The following TELO2 variants were observed in gnomAD, a reference collection of about 807,000 sequenced individuals.
TELO2 encodes telomere length regulation protein TEL2 homolog.
TELO2 carries 71 observed loss-of-function variants against 91.0 expected under a neutral mutation model. That is an observed-to-expected ratio of 0.78 (90% CI 0.64 to 0.95). TELO2 has a LOEUF of 0.95. Among genes scored for constraint, TELO2 ranks in the 40% least tolerant of loss-of-function variants. TELO2 has a pLI of 0.00. For synonymous variants in TELO2, 584 were observed against 518.9 expected (o/e 1.13, Z -1.71); for missense variants, 1,183 against 1,141.3 (o/e 1.04, Z -0.53).
chr16:1,509,847 C>T lies in TELO2; in HGVS notation c.2425C>T (p.Pro809Ser). 2 of 1,612,272 alleles carry T rather than the reference C, an allele frequency of 1.2e-6. No homozygotes were observed. The highest frequency in any genetic ancestry group is 1.7e-6 in the Non-Finnish European group (2 of 1,179,694). Residue 809 changes from proline to serine, a missense_variant, in exon 21 of 21, where the codon CCG (proline) becomes TCG (serine). Coordinates refer to ENST00000262319, the MANE Select transcript of TELO2 (RefSeq NM_016111.4). ...SWLADVAEKD[P>S]DEDCRTLALR... is the part of the protein sequence containing the mutation. The stretch of plus-strand genomic sequence containing the variant: ...TCTGGCAGACGTGGCTGAGAAAGAC[C>T]CGGACGAGGACTGCAGGACGCTGGC...
At chr16:1,500,028 C>T in intron 6 of TELO2, 68 bp from the exon 7 acceptor site, 1 of 1,540,622 alleles carries the variant, frequency 6.5e-7, no homozygotes, top group Non-Finnish European at 8.8e-7. Context: ...TGGCTCTTGG[C>T]CTTGGGAGCC....
intron 7 of TELO2, 24 bp downstream of exon 7, chr16:1,500,188 C>A: frequency 6.3e-7 from 1 of 1,583,946 alleles, no homozygotes; most frequent in South Asian, 1.1e-5. Flanking sequence ...GGCTCTCCGT[C>A]CCTGCGAGGC....
At chr16:1,502,519 C>A in intron 13 of TELO2, 115 bp downstream of exon 13, 1 of 1,501,244 alleles carries the variant, frequency 6.7e-7, no homozygotes. Flanking sequence ...GGGCTGCTGC[C>A]TCTCCCGGGG....
rs753375943 is a variant in TELO2, at chr16:1,495,348, C to G, written c.338C>G (p.Pro113Arg). The G allele has an allele frequency of 2.6e-6, 4 of 1,542,622 alleles. No homozygotes were observed. Among genetic ancestry groups the G allele is most frequent in the Non-Finnish European group, 2.6e-6 (3 of 1,140,944 alleles). The change falls in exon 3 of 21, where the codon CCC (proline) becomes CGC (arginine). Residue 113 changes from proline (P) to arginine (R), a missense_variant and splice_region_variant. Transcript: ENST00000262319. The stretch of plus-strand genomic sequence containing the variant: ...GCCCAACACGCCCGTATCTTCAGCC[C>G]CAGCTTCCGGCTGATGAAGATGGCG... ...LMETIEGAAG[P>R]SFRLMKMARL...
intron 17 of TELO2, chr16:1,506,693 GT>G: frequency 7.2e-7 from 1 of 1,379,556 alleles, no homozygotes; most frequent in Non-Finnish European, 9.4e-7. Context: ...GCAGAGAAGT[GT>G]GGGGCCTGGG....
In TELO2 at chr16:1,509,991, C is replaced by A; in HGVS notation, c.*55C>A. The A allele has an allele frequency of 6.8e-7, 1 of 1,478,334 alleles. No homozygotes were observed. The highest frequency in any genetic ancestry group is 2.0e-5 in the Admixed American group (1 of 50,910). The allele number at this position is 1,478,334 out of a possible 1,614,324, so 91.6% of individuals were successfully genotyped here. On this transcript the variant is annotated 3_prime_UTR_variant, in exon 21 of 21. Transcript: ENST00000262319. ...GCCGACAGCAAGGCAGGCGGCTGAG[C>A]AGCGGCCTGGAGCAGCAGAGCCAGG...
At chr16:1,506,848 G>A (rs1431992708) in intron 17 of TELO2, 104 bp from the exon 18 acceptor site, 5 of 1,447,458 alleles carry the variant, frequency 3.5e-6, no homozygotes, top group African/African-American at 1.4e-5. Flanking sequence ...GGGCACGGGA[G>A]GAGGGGCTGT....
At position 1,510,055 on chromosome 16, in the gene TELO2, G is replaced by C. The variant is rs904455943; in HGVS notation, c.*119G>C. 4 of 826,958 alleles carry C rather than the reference G, an allele frequency of 4.8e-6. No homozygotes were observed. The highest frequency in any genetic ancestry group is 7.6e-6 in the Non-Finnish European group (4 of 526,084). 51.2% of individuals were successfully genotyped at this position (826,958 alleles called of 1,614,324 possible). A position where few individuals can be genotyped will look rare whatever the true frequency, so the allele number is the denominator to read the frequency against. Reference sequence around the variant, plus strand: ...CCAGGTCTTCGGCCGCATCCGGTACGGAGAGTGCAGATGCAGGAAGGCCCG... The same window carrying C: ...CCAGGTCTTCGGCCGCATCCGGTACCGAGAGTGCAGATGCAGGAAGGCCCG... On this transcript the variant is annotated 3_prime_UTR_variant, in exon 21 of 21. Coordinates refer to ENST00000262319, the MANE Select transcript of TELO2 (RefSeq NM_016111.4).
At chr16:1,499,778 C>A (rs1183329483) in intron 6 of TELO2, among the ~76,000 whole-genome samples, 1 of 152,262 alleles carries the variant, frequency 6.6e-6, no homozygotes, top group Non-Finnish European at 1.5e-5. Flanking sequence ...CTTCACCCTC[C>A]TCCTTTGCTC....
In TELO2 at chr16:1,510,099, T is replaced by C; in HGVS notation, c.*163T>C. ...AGGCCCGGCCTGCCGCTATTTATAG[T>C]GCAGCCAGTCCGCTAAAAATACACT... On this transcript the variant is annotated 3_prime_UTR_variant, in exon 21 of 21. Transcript: ENST00000262319. 1.6e-6 allele frequency: 1 copy of C among 628,902 alleles called. No homozygotes were observed. The highest frequency in any genetic ancestry group is 2.8e-6 in the Non-Finnish European group (1 of 362,418). The allele number at this position is 628,902 out of a possible 1,614,324, so 39.0% of individuals were successfully genotyped here. A position where few individuals can be genotyped will look rare whatever the true frequency, so the allele number is the denominator to read the frequency against.
At chr16:1,508,382 C>T (rs866001843) in intron 20 of TELO2, among the ~76,000 whole-genome samples, 1 of 152,240 alleles carries the variant, frequency 6.6e-6, no homozygotes, top group African/African-American at 2.4e-5. Context: ...CCACCCGCCT[C>T]AGCCTCCCAA....
At position 1,510,250 on chromosome 16, in the gene TELO2, C is replaced by A; in HGVS notation, c.*314C>A. The A allele has an allele frequency of 5.1e-6, 2 of 391,234 alleles. No homozygotes were observed. Among genetic ancestry groups the A allele is most frequent in the African/African-American group, 2.1e-5 (1 of 48,396 alleles). The allele number at this position is 391,234 out of a possible 1,614,324, so 24.2% of individuals were successfully genotyped here. ...GCTGGCAGGAGGGGAGGACGGTGTA[C>A]CTGCTGCTCAGAGCCCCCAAGGCTC... On this transcript the variant is annotated 3_prime_UTR_variant, in exon 21 of 21. Transcript: ENST00000262319.
In TELO2 at chr16:1,497,616, C is replaced by T; in HGVS notation, c.830+108C>T. 3 of 1,419,328 alleles carry T rather than the reference C, an allele frequency of 2.1e-6. No individual in the cohort carries two copies. Among genetic ancestry groups the T allele is most frequent in the Admixed American group, 4.9e-5 (2 of 40,470 alleles). The allele number at this position is 1,419,328 out of a possible 1,614,324, so 87.9% of individuals were successfully genotyped here. A position where few individuals can be genotyped will look rare whatever the true frequency, so the allele number is the denominator to read the frequency against. ...CCTGGGCGCCGTGCTGCAGCTGGCA[C>T]CCCCATGTAGGTGCCACAGGGTGTG... On this transcript the variant is annotated intron_variant, in intron 5 of 20. Transcript: ENST00000262319. This position sits in a 1 kb window ranked among gnomAD's most constrained non-coding sequence, Gnocchi z 4.0.
At position 1,505,291 on chromosome 16, in the gene TELO2, C is replaced by T; in HGVS notation, c.1843-119C>T. 1.7e-6 allele frequency: 2 copies of T among 1,211,744 alleles called. No individual in the cohort carries two copies. The highest frequency in any genetic ancestry group is 2.5e-5 in the Admixed American group (1 of 39,596). The allele number at this position is 1,211,744 out of a possible 1,614,324, so 75.1% of individuals were successfully genotyped here. A position where few individuals can be genotyped will look rare whatever the true frequency, so the allele number is the denominator to read the frequency against. ...GACTTTTCTCCTTGTTCCCAGAACACACCTTCTCCCAGGCTGGGCGGGCCC... is the reference window on the plus strand; with the variant it reads ...GACTTTTCTCCTTGTTCCCAGAACATACCTTCTCCCAGGCTGGGCGGGCCC... On this transcript the variant is annotated intron_variant, in intron 15 of 20. Transcript: ENST00000262319. The surrounding 1 kb of genome is among the most constrained non-coding windows in gnomAD (Gnocchi z 4.3).
At chr16:1,496,070 A>C (rs558475052) in intron 3 of TELO2, among the ~76,000 whole-genome samples, 112 of 152,202 alleles carry the variant, frequency 7.4e-4, no homozygotes, top group Non-Finnish European at 1.4e-3. Context: ...AGCGAGAAGG[A>C]GGCTGGGCCG....
Position 1,497,322 on chromosome 16 carries a change from G to T in TELO2, c.683-39G>T. Reference sequence around the variant, plus strand: ...ACACAGCCCCAGACACCAGGTGGGTGCAGCTCCCCAGGCTCAGGTCCTCCG... The same window carrying T: ...ACACAGCCCCAGACACCAGGTGGGTTCAGCTCCCCAGGCTCAGGTCCTCCG... On this transcript the variant is annotated intron_variant, in intron 4 of 20. Transcript: ENST00000262319. This position sits in a 1 kb window ranked among gnomAD's most constrained non-coding sequence, Gnocchi z 4.0. 1 of 1,516,152 alleles carries T rather than the reference G, an allele frequency of 6.6e-7. No homozygotes were observed. The highest frequency in any genetic ancestry group is 8.9e-7 in the Non-Finnish European group (1 of 1,126,872). The allele number at this position is 1,516,152 out of a possible 1,614,324, so 93.9% of individuals were successfully genotyped here.
chr16:1,494,422 C>G lies in TELO2; in HGVS notation c.141C>G (p.Leu47=), dbSNP rs1335217075. 1 of 1,613,206 alleles carries G rather than the reference C, an allele frequency of 6.2e-7. No homozygotes were observed. The highest frequency in any genetic ancestry group is 8.5e-7 in the Non-Finnish European group (1 of 1,179,934). The change falls in exon 2 of 21, where the codon CTC becomes CTG. Residue 47 remains leucine (L), a synonymous_variant. Transcript: ENST00000262319. This position sits in a 1 kb window ranked among gnomAD's most constrained non-coding sequence, Gnocchi z 5.6. ...TCGGTGAGATGGAGCCTCCAGCGCT[C>G]CCGAGGGAGAAGGAGGAGTTTGCCT... is the stretch of plus-strand genomic sequence containing the variant. The part of the protein sequence containing the change: ...RYLGEMEPPA[L]PREKEEFASA...
At position 1,505,637 on chromosome 16, in the gene TELO2, G is replaced by A. The variant is rs779364041; in HGVS notation, c.2034+36G>A. 1.3e-6 allele frequency: 2 copies of A among 1,573,816 alleles called. No homozygotes were observed. Among genetic ancestry groups the A allele is most frequent in the Non-Finnish European group, 8.7e-7 (1 of 1,154,604 alleles). On this transcript the variant is annotated intron_variant, in intron 16 of 20. Coordinates refer to ENST00000262319, the MANE Select transcript of TELO2 (RefSeq NM_016111.4). This position sits in a 1 kb window ranked among gnomAD's most constrained non-coding sequence, Gnocchi z 4.3. ...CCTGGTCAGCTCCTCACGGGCATGG[G>A]GACCGTGGGTGGGTGGGAAGGGCGG...
Position 1,505,662 on chromosome 16 carries a change from G to A in TELO2, c.2034+61G>A. On this transcript the variant is annotated intron_variant, in intron 16 of 20. Coordinates refer to ENST00000262319, the MANE Select transcript of TELO2 (RefSeq NM_016111.4). The surrounding 1 kb of genome is among the most constrained non-coding windows in gnomAD (Gnocchi z 4.3). ...GGACCGTGGGTGGGTGGGAAGGGCGGTCAGACACCTCCAGGCGCTGTCTGC... is the reference window on the plus strand; with the variant it reads ...GGACCGTGGGTGGGTGGGAAGGGCGATCAGACACCTCCAGGCGCTGTCTGC... 2 of 1,541,548 alleles carry A rather than the reference G, an allele frequency of 1.3e-6. No homozygotes were observed.
Sources: gnomAD v4.1 joint callset for allele counts (sites outside exome capture counted in the v4.1 genomes callset) on GRCh38, gnomAD v4.1.1 for gene constraint, Gnocchi (gnomAD v3.1) non-coding constraint, MANE v1.5 for transcripts, NCBI Gene and HGNC (gene_info 2026-07-23, HGNC 2026-07-21) for gene names.